Variants in NELL2 observed in about 807,000 individuals in gnomAD.
NELL2 encodes neural EGFL like 2, also known as protein kinase C-binding protein NELL2.
In NELL2, 41 loss-of-function variants were observed where a neutral mutation model predicts 109.6. That is an observed-to-expected ratio of 0.37 (90% CI 0.29 to 0.49). The LOEUF (loss-of-function observed/expected upper bound fraction) is 0.49, where lower values mean the gene tolerates loss of function less well. Among genes scored for constraint, NELL2 ranks in the 20% least tolerant of loss-of-function variants. The pLI, the probability that NELL2 is intolerant of heterozygous loss-of-function variation, is 0.98. For synonymous variants in NELL2, 355 were observed against 344.7 expected, an observed-to-expected ratio of 1.03 and a Z score of -0.33; for missense variants, 900 against 1,008.3, an observed-to-expected ratio of 0.89 and a Z score of 1.45.
intron 3 of NELL2, among the ~76,000 whole-genome samples, chr12:44,796,880 G>C (rs1328642360): frequency 1.3e-5 from 2 of 151,772 alleles, no homozygotes; most frequent in South Asian, 4.2e-4. Context: ...AAAATACAAG[G>C]AAAAAATGAC....
chr12:44,784,467 A>C (rs1942085839), intron 3 of NELL2, among the ~76,000 whole-genome samples: 1 of 152,188 alleles, frequency 6.6e-6, no homozygotes, highest in Non-Finnish European at 1.5e-5. Context: ...AGGAGTTGGT[A>C]CCATTCCTTC....
intron 15 of NELL2, among the ~76,000 whole-genome samples, chr12:44,592,522 TAGAG>T (rs1247392141): frequency 5.3e-5 from 8 of 150,164 alleles, no homozygotes; most frequent in Non-Finnish European, 1.0e-4. Context: ...AAGAGGGAGA[TAGAG>T]AGAGAGAGGA....
At chr12:44,620,999 C>G (rs534408367) in intron 13 of NELL2, among the ~76,000 whole-genome samples, 255 of 152,260 alleles carry the variant, frequency 1.7e-3, no homozygotes, top group African/African-American at 5.9e-3. Flanking sequence ...TTTTCACTGG[C>G]CATCAAGGCA....
At chr12:44,522,696 A>G (rs1405805534) in intron 17 of NELL2, 1 of 153,026 alleles carries the variant, frequency 6.5e-6, no homozygotes, top group East Asian at 1.9e-4. Flanking sequence ...TAATTTGAGC[A>G]TTTATTATAA....
At chr12:44,873,400 G>A (rs1945220878) in intron 2 of NELL2, among the ~76,000 whole-genome samples, 1 of 152,024 alleles carries the variant, frequency 6.6e-6, no homozygotes, top group African/African-American at 2.4e-5. Flanking sequence ...AAATAAAAAT[G>A]AATAACTAAA....
At position 44,510,492 on chromosome 12, in the gene NELL2, A is replaced by G. The variant is rs1315536777; in HGVS notation, c.2401-1508T>C. On this transcript the variant is annotated intron_variant, in intron 19 of 19. Transcript: ENST00000429094. Reference sequence around the variant, plus strand: ...AATGCATTATACTTTAATATGATAAAAACTGAAAGTGTCTTTGTTTCTATA... The same window carrying G: ...AATGCATTATACTTTAATATGATAAGAACTGAAAGTGTCTTTGTTTCTATA... 3.3e-5 allele frequency among the ~76,000 whole-genome samples: 5 copies of G among 152,358 alleles called. No homozygotes were observed. The East Asian group carries it at 9.6e-4, about 29-fold the overall frequency.
chr12:44,832,320 T>C (rs1490882254), intron 2 of NELL2, among the ~76,000 whole-genome samples: 1 of 152,202 alleles, frequency 6.6e-6, no homozygotes, highest in African/African-American at 2.4e-5. Context: ...ATAAGAGGCT[T>C]AGTTAAAGCA....
At chr12:44,654,323 T>G (rs917572663) in intron 13 of NELL2, among the ~76,000 whole-genome samples, 5 of 152,218 alleles carry the variant, frequency 3.3e-5, no homozygotes, top group Admixed American at 2.0e-4. Context: ...TTTTTACTAC[T>G]CTAACTCTCT....
chr12:44,888,233 C>T (rs1247220529), intron 1 of NELL2, among the ~76,000 whole-genome samples: 1 of 151,992 alleles, frequency 6.6e-6, no homozygotes, highest in Admixed American at 6.6e-5. Flanking sequence ...GATTTGGTTA[C>T]TATAGCTTTG....
intron 2 of NELL2, among the ~76,000 whole-genome samples, chr12:44,857,897 A>G (rs1185333834): frequency 6.6e-6 from 1 of 152,136 alleles, no homozygotes; most frequent in African/African-American, 2.4e-5. Context: ...AGAACAGAAG[A>G]TGCTTTAGGG....
intron 15 of NELL2, among the ~76,000 whole-genome samples, chr12:44,590,767 A>G (rs1406748338): frequency 6.6e-6 from 1 of 152,162 alleles, no homozygotes; most frequent in Non-Finnish European, 1.5e-5. Context: ...AAAGTAGACA[A>G]ATGGGATTAG....
chr12:44,713,309 C>G (rs1938320477), intron 10 of NELL2, among the ~76,000 whole-genome samples: 1 of 150,532 alleles, frequency 6.6e-6, no homozygotes, highest in Non-Finnish European at 1.5e-5. Flanking sequence ...AATTTAGAAC[C>G]AAAATTTTAA....
At chr12:44,543,389 A>C (rs1309372564) in intron 15 of NELL2, among the ~76,000 whole-genome samples, 3 of 152,058 alleles carry the variant, frequency 2.0e-5, no homozygotes, top group Non-Finnish European at 2.9e-5. Context: ...ATTCACTATC[A>C]CTATCTCCCT....
chr12:44,658,463 A>G (rs1423544384), intron 13 of NELL2, among the ~76,000 whole-genome samples: 2 of 152,206 alleles, frequency 1.3e-5, no homozygotes, highest in South Asian at 2.1e-4. Flanking sequence ...ATGGAAAAAC[A>G]TTCCATGCTC....
intron 3 of NELL2, among the ~76,000 whole-genome samples, chr12:44,784,928 T>C (rs1942107089): frequency 6.6e-6 from 1 of 152,118 alleles, no homozygotes; most frequent in Non-Finnish European, 1.5e-5. Flanking sequence ...CAACATCATA[T>C]TGAATGGGCA....
intron 12 of NELL2, among the ~76,000 whole-genome samples, chr12:44,683,483 T>A (rs1488478892): frequency 3.3e-5 from 5 of 151,998 alleles, no homozygotes; most frequent in Non-Finnish European, 7.3e-5. Context: ...AGAGAGGGCA[T>A]CCCTGTCTTG....
chr12:44,520,309 C>T (rs780937921), intron 18 of NELL2, 80 bp from the exon 19 acceptor site: 61 of 1,017,902 alleles, frequency 6.0e-5, no homozygotes, highest in South Asian at 2.0e-4. Context: ...CAGATGAGCA[C>T]AGTGTTTACT....
At chr12:44,745,293 A>C (rs1940271039) in intron 9 of NELL2, among the ~76,000 whole-genome samples, 1 of 152,142 alleles carries the variant, frequency 6.6e-6, no homozygotes, top group Non-Finnish European at 1.5e-5. Context: ...TATTGATGGG[A>C]CGTATCTCAA....
At chr12:44,529,583 A>C (rs920918880) in intron 16 of NELL2, among the ~76,000 whole-genome samples, 1 of 152,148 alleles carries the variant, frequency 6.6e-6, no homozygotes, top group Admixed American at 6.5e-5. Flanking sequence ...CATTTGCGAG[A>C]GTGAAAGAAA....
Sources: allele counts gnomAD v4.1 joint callset (sites outside exome capture counted in the v4.1 genomes callset), GRCh38; gene constraint gnomAD v4.1.1; transcripts MANE v1.5; gene names NCBI Gene and HGNC (gene_info 2026-07-23, HGNC 2026-07-21).